The following SGK1 variants were observed in gnomAD, a reference collection of about 807,000 sequenced individuals.
The protein encoded by SGK1 is serum/glucocorticoid regulated kinase 1.
SGK1 carries 26 observed loss-of-function variants against 64.2 expected under a neutral mutation model. The ratio of observed to expected loss-of-function variants is 0.40; its 90% CI spans 0.30 to 0.56. SGK1 has a LOEUF of 0.56. Ranked by LOEUF, SGK1 falls within the 20% of genes least tolerant of loss-of-function variation. The pLI, the probability that SGK1 is intolerant of heterozygous loss-of-function variation, is 0.38. For missense variants in SGK1, 519 were observed against 645.6 expected (o/e 0.80, Z 2.12); for synonymous variants, 265 against 239.7 (o/e 1.11, Z -0.98).
chr6:134,296,381 C>T (rs992243645), intron 1 of SGK1, among the ~76,000 whole-genome samples: 5 of 152,140 alleles, frequency 3.3e-5, no homozygotes, highest in African/African-American at 1.2e-4. Flanking sequence ...AAGCAATCCT[C>T]TCACTTCAGC....
chr6:134,201,128 T>G, intron 3 of SGK1, among the ~76,000 whole-genome samples: 1 of 149,216 alleles, frequency 6.7e-6, no homozygotes, highest in Admixed American at 6.7e-5. Context: ...TGGCGCGATC[T>G]CAGCTCACTG....
At chr6:134,293,956 G>T (rs749021429) in intron 1 of SGK1, among the ~76,000 whole-genome samples, 1 of 152,110 alleles carries the variant, frequency 6.6e-6, no homozygotes, top group Admixed American at 6.5e-5. Context: ...AAAGGCATTC[G>T]GTTTTTAGGA....
intron 2 of SGK1, among the ~76,000 whole-genome samples, chr6:134,240,049 TG>T (rs1327385419): frequency 6.6e-6 from 1 of 152,024 alleles, no homozygotes; most frequent in Non-Finnish European, 1.5e-5. Context: ...CCCAGCACGT[TG>T]GGGGGCCATG....
intron 3 of SGK1, among the ~76,000 whole-genome samples, chr6:134,202,746 T>C (rs1384678138): frequency 6.6e-6 from 1 of 151,806 alleles, no homozygotes; most frequent in Admixed American, 6.6e-5. Flanking sequence ...CAGGAAGAAA[T>C]GAAGAACATC....
At position 134,169,644 on chromosome 6, in the gene SGK1, C is replaced by A. The variant is rs1354371150; in HGVS notation, c.*624G>T. 6.6e-6 allele frequency: 1 copy of A among 152,572 alleles called. No individual in the cohort carries two copies. The highest frequency in any genetic ancestry group is 1.5e-5 in the Non-Finnish European group (1 of 68,022). 9.5% of individuals were successfully genotyped at this position (152,572 alleles called of 1,614,324 possible). A position where few individuals can be genotyped will look rare whatever the true frequency, so the allele number is the denominator to read the frequency against. On this transcript the variant is annotated 3_prime_UTR_variant, in exon 14 of 14. Transcript: ENST00000367858. The stretch of plus-strand genomic sequence containing the variant: ...TTAAGCATCTGAATACGAGTCATTG[C>A]AAGACCATTTCAATAAATTTTAGTT...
intron 2 of SGK1, among the ~76,000 whole-genome samples, chr6:134,233,785 T>C (rs550183717): frequency 5.3e-5 from 8 of 151,956 alleles, no homozygotes; most frequent in African/African-American, 1.4e-4. Flanking sequence ...TAAATTGGCA[T>C]GGTTATTCTA....
rs531054173 is a variant in SGK1 at position 134,242,360 on chromosome 6, CCTG to C, written c.285+19570_285+19572del. The stretch of plus-strand genomic sequence containing the variant: ...AATTAGCCAAGTGTGGTGGCACGTG[CCTG>C]TAATCCCAGCTACTCGGGAGGTTCA... On this transcript the variant is annotated intron_variant, in intron 2 of 13. Transcript: ENST00000367858. 2.0e-5 allele frequency among the ~76,000 whole-genome samples: 3 copies of C among 152,196 alleles called. No individual in the cohort carries two copies. In the East Asian group the frequency reaches 5.8e-4, roughly 30 times the overall value.
chr6:134,291,507 A>C (rs146474918), intron 1 of SGK1, among the ~76,000 whole-genome samples: 1,791 of 152,254 alleles, frequency 0.012, 20 homozygotes, highest in Non-Finnish European at 0.019. Context: ...CTTTGCTTTG[A>C]TCCTTATGCA....
Position 134,177,552 on chromosome 6 carries a change from A to G in SGK1, c.362-2966T>C, listed in dbSNP as rs1227975845. Reference sequence around the variant, plus strand: ...GTTTGTTTTCAAACATTAAATTAAGAAACCTACAACCAGAGACCCTCTCCT... The same window carrying G: ...GTTTGTTTTCAAACATTAAATTAAGGAACCTACAACCAGAGACCCTCTCCT... On this transcript the variant is annotated intron_variant, in intron 3 of 13. Coordinates refer to ENST00000367858, the MANE Select transcript of SGK1 (RefSeq NM_001143676.3). 5.0e-6 allele frequency: 4 copies of G among 805,292 alleles called. No individual in the cohort carries two copies. In the Admixed American group the frequency reaches 9.8e-5, roughly 20 times the overall value. The allele number at this position is 805,292 out of a possible 1,614,324, so 49.9% of individuals were successfully genotyped here.
intron 1 of SGK1, among the ~76,000 whole-genome samples, chr6:134,295,811 A>G (rs4896039): frequency 0.49 from 75,041 of 151,974 alleles, 19,121 homozygotes; most frequent in East Asian, 0.91. Flanking sequence ...AAAAGATGGT[A>G]GCAGTTCTCC....
At chr6:134,197,074 A>T (rs1026997652) in intron 3 of SGK1, among the ~76,000 whole-genome samples, 1 of 152,060 alleles carries the variant, frequency 6.6e-6, no homozygotes, top group Admixed American at 6.6e-5. Flanking sequence ...CTCTACAAAA[A>T]ACAAAAAAAT....
intron 1 of SGK1, among the ~76,000 whole-genome samples, chr6:134,309,440 A>C (rs1777580422): frequency 6.6e-6 from 1 of 152,166 alleles, no homozygotes. Context: ...ATTTGCCAGC[A>C]TCACTGTGCA....
At chr6:134,254,323 C>A (rs1776649319) in intron 2 of SGK1, among the ~76,000 whole-genome samples, 1 of 152,094 alleles carries the variant, frequency 6.6e-6, no homozygotes, top group South Asian at 2.1e-4. Context: ...GCAGAGCAAA[C>A]TGATTGACAG....
intron 1 of SGK1, among the ~76,000 whole-genome samples, chr6:134,266,726 A>C (rs1582752402): frequency 1.3e-5 from 2 of 152,318 alleles, no homozygotes; most frequent in African/African-American, 4.8e-5. Context: ...AGGTATATTA[A>C]GAATGTTTCG....
chr6:134,284,446 A>C (rs912654970), intron 1 of SGK1, among the ~76,000 whole-genome samples: 1 of 151,652 alleles, frequency 6.6e-6, no homozygotes, highest in African/African-American at 2.4e-5. Flanking sequence ...TCACACTTAG[A>C]AGTGAGAACA....
chr6:134,284,491 C>CTTT (rs34917996), intron 1 of SGK1, among the ~76,000 whole-genome samples: 15,125 of 143,012 alleles, frequency 0.11, 997 homozygotes, highest in East Asian at 0.24. Context: ...TTCTTTCTTT[C>CTTT]TTTTTTTTTT....
intron 3 of SGK1, among the ~76,000 whole-genome samples, chr6:134,184,839 A>G (rs1205532292): frequency 6.6e-6 from 1 of 152,062 alleles, no homozygotes; most frequent in Non-Finnish European, 1.5e-5. Context: ...GTGTGCCACC[A>G]TGCCTGGCTT....
chr6:134,237,117 C>T (rs1405746475), intron 2 of SGK1, among the ~76,000 whole-genome samples: 1 of 149,218 alleles, frequency 6.7e-6, no homozygotes, highest in South Asian at 2.1e-4. Flanking sequence ...TGCAGTGGCG[C>T]GATCTCAGCT....
rs11418007 is a variant in SGK1 at position 134,252,616 on chromosome 6, C to CAAAAAAAAAAAAAAAAAAAAAAAAAAAA, written c.285+9316_285+9317insTTTTTTTTTTTTTTTTTTTTTTTTTTTT. On this transcript the variant is annotated intron_variant, in intron 2 of 13. Coordinates refer to ENST00000367858, the MANE Select transcript of SGK1 (RefSeq NM_001143676.3). ...TGGGCAACAGAGTGAGATTCCACCT[C>CAAAAAAAAAAAAAAAAAAAAAAAAAAAA]AAAAAAAAAAAAAAAAAAAAAAAAG... Among the ~76,000 whole-genome samples, 5 of 65,990 alleles carry CAAAAAAAAAAAAAAAAAAAAAAAAAAAA rather than the reference C, an allele frequency of 7.6e-5. 2 individuals are homozygous for CAAAAAAAAAAAAAAAAAAAAAAAAAAAA. The highest frequency in any genetic ancestry group is 1.3e-4 in the African/African-American group (2 of 15,884). 43.3% of individuals were successfully genotyped at this position (65,990 alleles called of 152,430 possible). A position where few individuals can be genotyped will look rare whatever the true frequency, so the allele number is the denominator to read the frequency against.
Sources: gnomAD v4.1 joint callset for allele counts (sites outside exome capture counted in the v4.1 genomes callset) on GRCh38, gnomAD v4.1.1 for gene constraint, MANE v1.5 for transcripts, NCBI Gene and HGNC (gene_info 2026-07-23, HGNC 2026-07-21) for gene names.